Variants in PPP1R1C observed in about 807,000 individuals in gnomAD.
PPP1R1C encodes the protein protein phosphatase 1 regulatory inhibitor subunit 1C, also known as protein phosphatase 1 regulatory subunit 1C.
In PPP1R1C, 15 loss-of-function variants were observed where a neutral mutation model predicts 17.4. The observed-to-expected ratio is 0.86, with a 90% confidence interval of 0.58 to 1.33. The LOEUF (loss-of-function observed/expected upper bound fraction) is 1.33, where lower values mean the gene tolerates loss of function less well. PPP1R1C is among the 40% of genes most tolerant of loss of function. The probability of loss-of-function intolerance (pLI) is 0.00; values close to 1 mark genes in which losing one functional copy is unlikely to be tolerated. For synonymous variants in PPP1R1C, 35 were observed against 43.1 expected (o/e 0.81, Z 0.73); for missense variants, 143 against 130.0 (o/e 1.10, Z -0.48).
At chr2:182,078,631 G>C (rs1688384273) in intron 4 of PPP1R1C, among the ~76,000 whole-genome samples, 1 of 152,204 alleles carries the variant, frequency 6.6e-6, no homozygotes, top group African/African-American at 2.4e-5. Flanking sequence ...ATAGCAGAAA[G>C]AAGGAGAACT....
intron 4 of PPP1R1C, among the ~76,000 whole-genome samples, chr2:182,080,050 C>G (rs1423161735): frequency 6.6e-6 from 1 of 152,214 alleles, no homozygotes; most frequent in Non-Finnish European, 1.5e-5. Flanking sequence ...TTGGAGGACA[C>G]TATTCAACCC....
At chr2:182,103,837 A>G (rs1689172113) in intron 4 of PPP1R1C, 1 of 152,228 alleles carries the variant, frequency 6.6e-6, no homozygotes, top group South Asian at 2.1e-4. Flanking sequence ...GTAGAAGCAA[A>G]CAGCCTCAGG....
intron 4 of PPP1R1C, among the ~76,000 whole-genome samples, chr2:182,106,482 G>T (rs370066071): frequency 6.6e-6 from 1 of 152,156 alleles, no homozygotes; most frequent in African/African-American, 2.4e-5. Flanking sequence ...CGAGAGCCCA[G>T]CCACTGAGTG....
intron 4 of PPP1R1C, among the ~76,000 whole-genome samples, chr2:182,114,611 A>G (rs1003529971): frequency 6.6e-6 from 1 of 152,174 alleles, no homozygotes; most frequent in African/African-American, 2.4e-5. Flanking sequence ...CCAATTGTTC[A>G]TTATCCAATT....
chr2:182,097,034 C>A (rs1688961244), intron 4 of PPP1R1C, among the ~76,000 whole-genome samples: 1 of 152,194 alleles, frequency 6.6e-6, no homozygotes, highest in African/African-American at 2.4e-5. Flanking sequence ...TACACTATTA[C>A]TAGACTTTTA....
chr2:182,018,653 G>A (rs758799682), intron 2 of PPP1R1C, among the ~76,000 whole-genome samples: 10 of 152,158 alleles, frequency 6.6e-5, no homozygotes, highest in African/African-American at 1.4e-4. Flanking sequence ...GTCATTCTAT[G>A]AGCTAGAACA....
At chr2:182,056,772 C>T (rs1687695766) in intron 2 of PPP1R1C, among the ~76,000 whole-genome samples, 1 of 152,120 alleles carries the variant, frequency 6.6e-6, no homozygotes, top group Admixed American at 6.6e-5. Context: ...ACCTTGCCTA[C>T]CGCTTATTTT....
intron 4 of PPP1R1C, among the ~76,000 whole-genome samples, chr2:182,114,964 T>C (rs1689540505): frequency 1.3e-5 from 2 of 152,202 alleles, no homozygotes; most frequent in African/African-American, 4.8e-5. Flanking sequence ...TTACTGATTT[T>C]TTCCTTTATA....
At chr2:182,029,218 A>T (rs1019629552) in intron 2 of PPP1R1C, among the ~76,000 whole-genome samples, 9 of 149,342 alleles carry the variant, frequency 6.0e-5, no homozygotes, top group African/African-American at 2.0e-4. Context: ...TTACATTTAA[A>T]GTTAATATTG....
downstream of PPP1R1C, among the ~76,000 whole-genome samples, chr2:182,122,588 G>T (rs1689759613): frequency 6.6e-6 from 1 of 152,126 alleles, no homozygotes; most frequent in Non-Finnish European, 1.5e-5. Context: ...TATTGGGATT[G>T]CTAGCTAACC....
intron 4 of PPP1R1C, among the ~76,000 whole-genome samples, chr2:182,084,724 C>T (rs985452520): frequency 6.6e-6 from 1 of 151,862 alleles, no homozygotes; most frequent in African/African-American, 2.4e-5. Context: ...TCATCTTACA[C>T]AGAGTTACTT....
At chr2:182,111,538 T>C (rs1199343575) in intron 4 of PPP1R1C, among the ~76,000 whole-genome samples, 1 of 152,144 alleles carries the variant, frequency 6.6e-6, no homozygotes, top group Non-Finnish European at 1.5e-5. Context: ...TCCCTTGTTG[T>C]CTGTGACCTT....
At chr2:181,985,151 TA>T (rs1685265776), upstream of PPP1R1C, among the ~76,000 whole-genome samples, 2 of 152,256 alleles carry the variant, frequency 1.3e-5, no homozygotes, top group Admixed American at 1.3e-4. This position sits in a 1 kb window ranked among gnomAD's most constrained non-coding sequence, Gnocchi z 4.1. Context: ...CACCAGGAAA[TA>T]AAATAGAGGT....
At chr2:182,056,613 T>G (rs1687691215) in intron 2 of PPP1R1C, among the ~76,000 whole-genome samples, 1 of 152,184 alleles carries the variant, frequency 6.6e-6, no homozygotes, top group Admixed American at 6.6e-5. Flanking sequence ...TCTTTGGGGT[T>G]TAGTCTAAGA....
At chr2:182,119,882 T>G (rs1689688932), downstream of PPP1R1C, among the ~76,000 whole-genome samples, 2 of 152,220 alleles carry the variant, frequency 1.3e-5, no homozygotes, top group Non-Finnish European at 1.5e-5. Flanking sequence ...TGGTAGTTTC[T>G]TTCGCTGTGC....
intron 4 of PPP1R1C, among the ~76,000 whole-genome samples, chr2:182,099,987 CA>C (rs59469247): frequency 0.32 from 48,938 of 151,118 alleles, 9,292 homozygotes; most frequent in Non-Finnish European, 0.42. Context: ...AGAGACTTAA[CA>C]AAAAAAAAGT....
chr2:182,095,826 T>A (rs922144731), intron 4 of PPP1R1C, among the ~76,000 whole-genome samples: 1 of 152,098 alleles, frequency 6.6e-6, no homozygotes, highest in African/African-American at 2.4e-5. Flanking sequence ...ACCCCATCTC[T>A]TAGTTGGGCA....
chr2:182,124,327 G>GTTTTTTTTTTTTTTTTT (rs1294464668), intron 5 of PPP1R1C, among the ~76,000 whole-genome samples: 9 of 83,002 alleles, frequency 1.1e-4, no homozygotes, highest in East Asian at 6.8e-4. Flanking sequence ...TTTTTTTTTT[G>GTTTTTTTTTTTTTTTTT]TTTTTTTTTT....
intron 2 of PPP1R1C, among the ~76,000 whole-genome samples, chr2:182,015,773 C>G (rs1169587752): frequency 2.0e-5 from 3 of 152,040 alleles, no homozygotes; most frequent in Non-Finnish European, 2.9e-5. Context: ...TGTGGCTGAG[C>G]TGGATCTAAG....
Sources: allele counts gnomAD v4.1 joint callset (sites outside exome capture counted in the v4.1 genomes callset), GRCh38; gene constraint gnomAD v4.1.1; non-coding constraint Gnocchi (gnomAD v3.1); transcripts MANE v1.5; gene names NCBI Gene and HGNC (gene_info 2026-07-23, HGNC 2026-07-21).